The following ALCAM variants were observed in gnomAD, a reference collection of about 807,000 sequenced individuals.
ALCAM encodes CD166 antigen.
In ALCAM, 30 loss-of-function variants were observed where a neutral mutation model predicts 70.9. That is an observed-to-expected ratio of 0.42 (90% CI 0.32 to 0.57). The LOEUF is 0.57. Among genes scored for constraint, ALCAM ranks in the 20% least tolerant of loss-of-function variants. The pLI is 0.11. For missense variants in ALCAM, 591 were observed against 695.1 expected, an observed-to-expected ratio of 0.85 and a Z score of 1.68; for synonymous variants, 249 against 242.5, an observed-to-expected ratio of 1.03 and a Z score of -0.25.
intron 1 of ALCAM, among the ~76,000 whole-genome samples, chr3:105,517,603 A>C (rs577229256): frequency 1.3e-5 from 2 of 152,082 alleles, no homozygotes. Flanking sequence ...ATCAATCTTT[A>C]ATTTCTCTTT....
At position 105,541,759 on chromosome 3, in the gene ALCAM, G is replaced by A. The variant is rs1326054992; in HGVS notation, c.985G>A (p.Val329Ile). ...CATGATTGCTTCAACAGCTATCACA[G>A]TTCACTGTAAGTCACCTACTTCTTC... ...KSMIASTAIT[V>I]HYLDLSLNPS... Residue 329 changes from valine (V) to isoleucine (I), a missense_variant, in exon 8 of 16, where the codon GTT becomes ATT. Val to Ile is a conservative substitution (Grantham distance 29). Around this residue, in one of 2 missense-constraint regions of ALCAM, gnomAD observed 427 missense variants for 450.4 expected, o/e 0.95. Coordinates refer to ENST00000306107, the MANE Select transcript of ALCAM (RefSeq NM_001627.4). 1 of 1,611,782 alleles carries A rather than the reference G, an allele frequency of 6.2e-7. No individual in the cohort carries two copies. The highest frequency in any genetic ancestry group is 1.3e-5 in the African/African-American group (1 of 74,864).
intron 1 of ALCAM, among the ~76,000 whole-genome samples, chr3:105,448,699 A>G (rs1937352744): frequency 6.6e-6 from 1 of 152,232 alleles, no homozygotes; most frequent in South Asian, 2.1e-4. Context: ...TCAGATGCTG[A>G]CAAGGCAATG....
Position 105,367,164 on chromosome 3 carries a change from C to G in ALCAM, c.-245C>G, listed in dbSNP as rs1019499343. ...CAGAGGGTCGTTGTCCCCGGAGGAG[C>G]AGCCGAAGGGCCCGTGGGCTGGTGT... is the stretch of plus-strand genomic sequence containing the variant. On this transcript the variant is annotated 5_prime_UTR_variant, in exon 1 of 16. Transcript: ENST00000306107. 1.3e-5 allele frequency: 7 copies of G among 529,736 alleles called. No individual in the cohort carries two copies. The highest frequency in any genetic ancestry group is 9.6e-5 in the African/African-American group (5 of 51,922). The allele number at this position is 529,736 out of a possible 1,614,324, so 32.8% of individuals were successfully genotyped here.
chr3:105,524,844 CATAG>C, intron 3 of ALCAM: 1 of 1,047,280 alleles, frequency 9.5e-7, no homozygotes, highest in Non-Finnish European at 1.2e-6. Flanking sequence ...GTGATACATA[CATAG>C]ATATATGATA....
intron 1 of ALCAM, among the ~76,000 whole-genome samples, chr3:105,511,298 G>T (rs868842267): frequency 6.6e-6 from 1 of 152,020 alleles, no homozygotes; most frequent in African/African-American, 2.4e-5. Context: ...GCAGAAAGAT[G>T]ATTTTATCTT....
At chr3:105,513,873 G>A (rs1939308467) in intron 1 of ALCAM, among the ~76,000 whole-genome samples, 1 of 151,818 alleles carries the variant, frequency 6.6e-6, no homozygotes, top group South Asian at 2.1e-4. Context: ...GCCAGTCTTA[G>A]GACATGTTCC....
At chr3:105,558,230 G>A (rs548114373) in intron 14 of ALCAM, among the ~76,000 whole-genome samples, 10 of 152,108 alleles carry the variant, frequency 6.6e-5, no homozygotes, top group East Asian at 1.9e-4. Context: ...GGATGCTCAC[G>A]GAAAACACTC....
intron 1 of ALCAM, among the ~76,000 whole-genome samples, chr3:105,428,460 G>A (rs570990570): frequency 1.6e-4 from 24 of 151,522 alleles, no homozygotes; most frequent in Middle Eastern, 3.4e-3. Context: ...TGAGTACTCC[G>A]TATTTTTTAA....
At chr3:105,395,028 T>C (rs958758353) in intron 1 of ALCAM, among the ~76,000 whole-genome samples, 8 of 152,006 alleles carry the variant, frequency 5.3e-5, no homozygotes, top group African/African-American at 1.9e-4. Flanking sequence ...TTTCTAACTT[T>C]ATAACTGTAA....
Position 105,470,643 on chromosome 3 carries a change from T to A in ALCAM, c.74-49424T>A, listed in dbSNP as rs538938965. Among the ~76,000 whole-genome samples the A allele has an allele frequency of 2.6e-5, 4 of 151,310 alleles. No individual in the cohort carries two copies. In the East Asian group the frequency reaches 7.8e-4, roughly 29 times the overall value. On this transcript the variant is annotated intron_variant, in intron 1 of 15. Coordinates refer to ENST00000306107, the MANE Select transcript of ALCAM (RefSeq NM_001627.4). ...AGAAAAAGAGAGCGATAAACAGGAT[T>A]TATTCACAAGAGAACCTTCTGTGGC... is the stretch of plus-strand genomic sequence containing the variant.
intron 14 of ALCAM, among the ~76,000 whole-genome samples, chr3:105,566,315 T>C (rs1038577956): frequency 6.6e-6 from 1 of 152,238 alleles, no homozygotes; most frequent in East Asian, 1.9e-4. Context: ...AATCATTCAA[T>C]AAAGATTGTA....
chr3:105,478,807 C>A (rs1938191404), intron 1 of ALCAM, among the ~76,000 whole-genome samples: 3 of 152,008 alleles, frequency 2.0e-5, no homozygotes. Context: ...GAAGAAATCT[C>A]AAGATTGTGA....
intron 1 of ALCAM, among the ~76,000 whole-genome samples, chr3:105,375,576 T>C (rs1240908908): frequency 6.6e-6 from 1 of 152,174 alleles, no homozygotes; most frequent in East Asian, 1.9e-4. Flanking sequence ...GGAAACTAAA[T>C]TGACCTCAGA....
At chr3:105,373,738 C>T (rs781090773) in intron 1 of ALCAM, among the ~76,000 whole-genome samples, 2 of 152,114 alleles carry the variant, frequency 1.3e-5, no homozygotes, top group Non-Finnish European at 2.9e-5. Flanking sequence ...GTCTATGTAT[C>T]CTCAAGTCTA....
intron 1 of ALCAM, among the ~76,000 whole-genome samples, chr3:105,490,129 C>G (rs1304335640): frequency 1.3e-5 from 2 of 152,194 alleles, no homozygotes; most frequent in Non-Finnish European, 2.9e-5. Flanking sequence ...CAAGTGGCCT[C>G]TCTTGCAGAA....
At chr3:105,443,364 G>A (rs1347795922) in intron 1 of ALCAM, among the ~76,000 whole-genome samples, 1 of 151,992 alleles carries the variant, frequency 6.6e-6, no homozygotes, top group African/African-American at 2.4e-5. Context: ...CATTTCCATT[G>A]TGTTGAAAAC....
intron 14 of ALCAM, among the ~76,000 whole-genome samples, chr3:105,556,483 C>T (rs190791802): frequency 3.9e-5 from 6 of 152,104 alleles, no homozygotes; most frequent in Non-Finnish European, 5.9e-5. Flanking sequence ...ATCCGAAAAT[C>T]TAAAAGTCAG....
intron 1 of ALCAM, among the ~76,000 whole-genome samples, chr3:105,513,891 G>T (rs527798691): frequency 6.6e-6 from 1 of 152,004 alleles, no homozygotes; most frequent in South Asian, 2.1e-4. Flanking sequence ...TCCTTATGAA[G>T]ATCAAAGATC....
intron 1 of ALCAM, among the ~76,000 whole-genome samples, chr3:105,510,246 A>T (rs2152619529): frequency 6.6e-6 from 1 of 152,196 alleles, no homozygotes; most frequent in African/African-American, 2.4e-5. Context: ...CTAGACTGTC[A>T]TGCAGTCTAA....
Sources: gnomAD v4.1 joint callset for allele counts (sites outside exome capture counted in the v4.1 genomes callset) on GRCh38, gnomAD v4.1.1 for gene constraint, gnomAD v4.1.1 regional missense constraint, MANE v1.5 for transcripts, NCBI Gene and HGNC (gene_info 2026-07-23, HGNC 2026-07-21) for gene names.